Variants in NRXN3 observed in about 807,000 individuals in gnomAD.
The protein encoded by NRXN3 is neurexin III.
In NRXN3, 32 loss-of-function variants were observed where a neutral mutation model predicts 137.6. The observed-to-expected ratio is 0.23, with a 90% CI of 0.18 to 0.31. The LOEUF (loss-of-function observed/expected upper bound fraction) is 0.31, where lower values mean the gene tolerates loss of function less well. Ranked by LOEUF, NRXN3 falls within the 10% of genes least tolerant of loss-of-function variation. The pLI is 1.00. For synonymous variants in NRXN3, 798 were observed against 784.5 expected, an observed-to-expected ratio of 1.02 and a Z score of -0.29; for missense variants, 1,574 against 2,062.5, an observed-to-expected ratio of 0.76 and a Z score of 4.59.
intron 19 of NRXN3, among the ~76,000 whole-genome samples, chr14:79,745,518 C>A (rs1451037423): frequency 6.6e-6 from 1 of 152,030 alleles, no homozygotes; most frequent in African/African-American, 2.4e-5. Context: ...AAAACAAATC[C>A]AAACCAGCAG....
chr14:78,468,000 T>G (rs934431238), intron 4 of NRXN3, among the ~76,000 whole-genome samples: 2 of 152,144 alleles, frequency 1.3e-5, no homozygotes, highest in Admixed American at 1.3e-4. Flanking sequence ...CTTGGCTCAC[T>G]GCAACCTCCG....
At chr14:79,543,157 C>G (rs1465142009) in intron 16 of NRXN3, among the ~76,000 whole-genome samples, 1 of 152,186 alleles carries the variant, frequency 6.6e-6, no homozygotes, top group Non-Finnish European at 1.5e-5. Flanking sequence ...ATATCTATCA[C>G]AAACACATGC....
At chr14:78,560,954 G>A (rs374040661) in intron 4 of NRXN3, among the ~76,000 whole-genome samples, 3 of 152,256 alleles carry the variant, frequency 2.0e-5, no homozygotes, top group South Asian at 4.1e-4. Flanking sequence ...ATGCTTTTTC[G>A]CATCATGGTG....
intron 15 of NRXN3, among the ~76,000 whole-genome samples, chr14:78,992,304 G>T (rs371875283): frequency 6.6e-6 from 1 of 152,256 alleles, no homozygotes; most frequent in Non-Finnish European, 1.5e-5. Context: ...TTCAGTTCTC[G>T]TGAAACATTT....
intron 4 of NRXN3, among the ~76,000 whole-genome samples, chr14:78,574,845 G>A (rs1221165872): frequency 1.3e-5 from 2 of 152,170 alleles, no homozygotes; most frequent in African/African-American, 4.8e-5. Flanking sequence ...TAAAATAATG[G>A]CAAACCGCAC....
intron 10 of NRXN3, among the ~76,000 whole-genome samples, chr14:78,819,244 G>C (rs556300865): frequency 1.2e-4 from 19 of 152,194 alleles, no homozygotes; most frequent in African/African-American, 4.3e-4. Flanking sequence ...GCTATAGTCA[G>C]ATATACAAGG....
intron 15 of NRXN3, among the ~76,000 whole-genome samples, chr14:79,171,920 G>A (rs995291043): frequency 1.3e-5 from 2 of 151,638 alleles, no homozygotes; most frequent in Admixed American, 1.3e-4. Flanking sequence ...AGAGTAAAAG[G>A]AAAGTAAATG....
At chr14:79,088,942 T>C (rs551458995) in intron 15 of NRXN3, among the ~76,000 whole-genome samples, 1 of 152,254 alleles carries the variant, frequency 6.6e-6, no homozygotes, top group Admixed American at 6.5e-5. Context: ...GCAAGGCCAT[T>C]TCCTACAGCT....
rs143250971 is a variant in NRXN3 at position 78,640,418 on chromosome 14, A to G, written c.758-4702A>G. On this transcript the variant is annotated intron_variant, in intron 4 of 20. Transcript: ENST00000335750. ...CCTTAAAGCCCAGTTTGGGTTTTTA[A>G]GACACCAAGCCATTAGGAATGGCAG... Among the ~76,000 whole-genome samples the G allele has an allele frequency of 5.0e-3, 765 of 152,334 alleles. 8 individuals are homozygous for G. Among genetic ancestry groups the G allele is most frequent in the African/African-American group, 0.017 (724 of 41,570 alleles).
chr14:78,908,105 A>C (rs895058665), intron 10 of NRXN3, among the ~76,000 whole-genome samples: 1 of 151,988 alleles, frequency 6.6e-6, no homozygotes, highest in Non-Finnish European at 1.5e-5. Flanking sequence ...AGTGAACGTA[A>C]GTGTGCATCT....
At chr14:79,136,813 A>G (rs1033793859) in intron 15 of NRXN3, among the ~76,000 whole-genome samples, 3 of 152,246 alleles carry the variant, frequency 2.0e-5, no homozygotes, top group Admixed American at 6.5e-5. Flanking sequence ...CGAACACTGT[A>G]AAACACAAAC....
intron 15 of NRXN3, among the ~76,000 whole-genome samples, chr14:79,389,871 G>C (rs1200595218): frequency 6.6e-6 from 1 of 152,106 alleles, no homozygotes; most frequent in African/African-American, 2.4e-5. Context: ...GAATGGATTT[G>C]GAAGGAAAAT....
chr14:79,396,355 A>T (rs2095026552), intron 15 of NRXN3, among the ~76,000 whole-genome samples: 1 of 152,156 alleles, frequency 6.6e-6, no homozygotes, highest in Non-Finnish European at 1.5e-5. Flanking sequence ...ATATATATAT[A>T]TACAAATATA....
At chr14:78,741,658 A>T (rs2098574238) in intron 8 of NRXN3, among the ~76,000 whole-genome samples, 1 of 152,154 alleles carries the variant, frequency 6.6e-6, no homozygotes. Context: ...TTTATTTATT[A>T]TTATTTTTGC....
At chr14:78,566,637 C>G (rs1172936388) in intron 4 of NRXN3, among the ~76,000 whole-genome samples, 1 of 152,184 alleles carries the variant, frequency 6.6e-6, no homozygotes, top group African/African-American at 2.4e-5. Flanking sequence ...GTGCTTGCCC[C>G]GAGCCCCCAC....
intron 15 of NRXN3, among the ~76,000 whole-genome samples, chr14:79,182,356 T>C (rs940584771): frequency 6.6e-6 from 1 of 151,762 alleles, no homozygotes; most frequent in Non-Finnish European, 1.5e-5. Flanking sequence ...CTCACCATAA[T>C]GTTGAATGAG....
At chr14:78,315,582 A>G (rs1490236074) in intron 4 of NRXN3, among the ~76,000 whole-genome samples, 3 of 152,224 alleles carry the variant, frequency 2.0e-5, no homozygotes, top group Non-Finnish European at 4.4e-5. Context: ...TGTATACCAA[A>G]TCTATTTGTT....
At chr14:79,133,829 T>TGAGGCAGGAGAATGGCGTG (rs1240262277) in intron 15 of NRXN3, among the ~76,000 whole-genome samples, 1 of 150,544 alleles carries the variant, frequency 6.6e-6, no homozygotes, top group Non-Finnish European at 1.5e-5. Flanking sequence ...CTCGGGAGGC[T>TGAGGCAGGAGAATGGCGTG]GAGGCAGGAG....
intron 2 of NRXN3, among the ~76,000 whole-genome samples, chr14:78,259,172 A>G (rs1399326932): frequency 1.3e-5 from 2 of 152,030 alleles, no homozygotes; most frequent in Non-Finnish European, 1.5e-5. Flanking sequence ...ACAATCCTAC[A>G]AGTAGAAACT....
Sources: allele counts gnomAD v4.1 joint callset (sites outside exome capture counted in the v4.1 genomes callset), GRCh38; gene constraint gnomAD v4.1.1; transcripts MANE v1.5; gene names NCBI Gene and HGNC (gene_info 2026-07-23, HGNC 2026-07-21).